Variants in MAP4K4 observed in about 807,000 individuals in gnomAD.
MAP4K4 encodes the protein mitogen-activated protein kinase kinase kinase kinase 4.
In MAP4K4, 38 loss-of-function variants were observed where a neutral mutation model predicts 189.6. The ratio of observed to expected loss-of-function variants is 0.20; its 90% CI spans 0.15 to 0.26. MAP4K4 has a LOEUF of 0.26. Among genes scored for constraint, MAP4K4 ranks in the 10% least tolerant of loss-of-function variants. The pLI, the probability that MAP4K4 is intolerant of heterozygous loss-of-function variation, is 1.00. For missense variants in MAP4K4, 1,054 were observed against 1,726.9 expected, an observed-to-expected ratio of 0.61 and a Z score of 6.91; for synonymous variants, 610 against 624.3, an observed-to-expected ratio of 0.98 and a Z score of 0.34.
chr2:101,892,048 T>G (rs1030721949), exon 33 of MAP4K4: 16 of 149,172 alleles, frequency 1.1e-4, no homozygotes, highest in African/African-American at 3.5e-4. Context: ...AACGTGTGCA[T>G]TTTGTATAAT....
chr2:101,833,974 T>G (rs1396231341), intron 7 of MAP4K4, among the ~76,000 whole-genome samples: 2 of 152,164 alleles, frequency 1.3e-5, no homozygotes, highest in African/African-American at 4.8e-5. Context: ...TTAATTAAAT[T>G]TGAGTTACTA....
chr2:101,831,664 T>C (rs2096599450), intron 6 of MAP4K4, 57 bp from the exon 7 acceptor site: 2 of 1,543,456 alleles, frequency 1.3e-6, no homozygotes, highest in African/African-American at 1.4e-5. Flanking sequence ...TTCCCAAGTA[T>C]ATCTGGTTTG....
chr2:101,869,741 T>C (rs753912429), exon 22 of MAP4K4: 3 of 1,592,570 alleles, frequency 1.9e-6, no homozygotes, highest in African/African-American at 1.3e-5. Context: ...AGGACGACGA[T>C]GTGGAGCAGG....
chr2:101,788,604 A>G (rs1224925251), intron 2 of MAP4K4, among the ~76,000 whole-genome samples: 1 of 152,220 alleles, frequency 6.6e-6, no homozygotes, highest in Non-Finnish European at 1.5e-5. Flanking sequence ...CTAGTAAGTG[A>G]TAATGAAGAC....
intron 3 of MAP4K4, among the ~76,000 whole-genome samples, chr2:101,817,097 C>G (rs186820930): frequency 6.6e-6 from 1 of 151,892 alleles, no homozygotes; most frequent in South Asian, 2.1e-4. Flanking sequence ...TTTCTCCCCT[C>G]CTCCTCAATG....
intron 3 of MAP4K4, among the ~76,000 whole-genome samples, chr2:101,795,005 A>G (rs2093525799): frequency 6.6e-6 from 1 of 152,132 alleles, no homozygotes; most frequent in African/African-American, 2.4e-5. Flanking sequence ...ATTTTTTGGC[A>G]AGAACACCTC....
intron 2 of MAP4K4, among the ~76,000 whole-genome samples, chr2:101,741,282 C>T (rs1292613129): frequency 2.0e-5 from 3 of 151,574 alleles, no homozygotes; most frequent in African/African-American, 7.3e-5. Flanking sequence ...ATTCTCCTGC[C>T]TCAGCCTCCC....
chr2:101,718,757 C>T (rs991029893), intron 2 of MAP4K4, among the ~76,000 whole-genome samples: 5 of 152,116 alleles, frequency 3.3e-5, no homozygotes, highest in African/African-American at 1.2e-4. Flanking sequence ...AATGTGCACT[C>T]AGTCATCTTG....
chr2:101,823,285 A>G (rs1234732649), intron 3 of MAP4K4, among the ~76,000 whole-genome samples: 3 of 152,184 alleles, frequency 2.0e-5, no homozygotes, highest in African/African-American at 4.8e-5. Context: ...CCAAGATGCT[A>G]GGAGAGGAGC....
At chr2:101,869,250 C>T (rs914719599) in intron 21 of MAP4K4, among the ~76,000 whole-genome samples, 1 of 151,912 alleles carries the variant, frequency 6.6e-6, no homozygotes, top group Non-Finnish European at 1.5e-5. Flanking sequence ...GTAGGGAGAT[C>T]TCCTTACAAC....
chr2:101,697,724 C>T (rs1353974882), exon 1 of MAP4K4: 1 of 148,232 alleles, frequency 6.7e-6, no homozygotes, highest in Non-Finnish European at 1.5e-5. Context: ...CAACTCGGCG[C>T]CGCCGCGGCC....
chr2:101,807,702 T>C (rs1313058523), intron 3 of MAP4K4, among the ~76,000 whole-genome samples: 1 of 151,720 alleles, frequency 6.6e-6, no homozygotes. Flanking sequence ...CTTCCAGTCA[T>C]GTTGGAGGCA....
chr2:101,882,503 G>A (rs1309322907), intron 27 of MAP4K4, 48 bp from the exon 28 acceptor site: 1 of 1,413,310 alleles, frequency 7.1e-7, no homozygotes, highest in African/African-American at 1.4e-5. Context: ...TTAATGATGA[G>A]ACCTACTTCT....
intron 2 of MAP4K4, among the ~76,000 whole-genome samples, chr2:101,781,563 C>T (rs549083950): frequency 3.0e-4 from 45 of 152,174 alleles, no homozygotes; most frequent in African/African-American, 1.1e-3. Flanking sequence ...GGGGACTGAA[C>T]TTCCCCTTTT....
intron 2 of MAP4K4, among the ~76,000 whole-genome samples, chr2:101,748,315 A>C (rs183375880): frequency 2.1e-3 from 326 of 152,308 alleles, no homozygotes; most frequent in Non-Finnish European, 4.1e-3. Flanking sequence ...CTCTGTGTAT[A>C]TGGAAGTAAC....
chr2:101,745,589 C>T (rs1483958191), intron 2 of MAP4K4, among the ~76,000 whole-genome samples: 2 of 152,028 alleles, frequency 1.3e-5, no homozygotes, highest in South Asian at 2.1e-4. Context: ...TGAAATGCCA[C>T]GGTCATACTT....
At chr2:101,882,442 A>C in intron 27 of MAP4K4, 109 bp from the exon 28 acceptor site, 2 of 757,086 alleles carry the variant, frequency 2.6e-6, no homozygotes, top group Non-Finnish European at 3.9e-6. Flanking sequence ...GCCTTTCACT[A>C]GGTTTAAGTG....
intron 5 of MAP4K4, among the ~76,000 whole-genome samples, chr2:101,825,906 C>T (rs2096333640): frequency 1.3e-5 from 2 of 152,216 alleles, no homozygotes; most frequent in African/African-American, 4.8e-5. Flanking sequence ...ATATTATTTA[C>T]AGCCATTTGA....
At position 101,812,333 on chromosome 2, in the gene MAP4K4, G is replaced by A. The variant is rs1476505795; in HGVS notation, c.181-11595G>A. Among the ~76,000 whole-genome samples, 5 of 152,178 alleles carry A rather than the reference G, an allele frequency of 3.3e-5. 1 individual carries two copies. Among genetic ancestry groups the A allele is most frequent in the East Asian group, 3.9e-4 (2 of 5,176 alleles). ...ATCACAAGACAGGGAGGACTGTGTT[G>A]TTCTTTAGGGAGTGATGTTGTTTGA... is the stretch of plus-strand genomic sequence containing the variant. On this transcript the variant is annotated intron_variant, in intron 3 of 32. Coordinates refer to ENST00000324219, the Ensembl canonical transcript of MAP4K4.
Sources: allele counts gnomAD v4.1 joint callset (sites outside exome capture counted in the v4.1 genomes callset), GRCh38; gene constraint gnomAD v4.1.1; transcripts MANE v1.5; gene names NCBI Gene and HGNC (gene_info 2026-07-23, HGNC 2026-07-21).